Variants in ARHGAP24 observed in about 807,000 individuals in gnomAD.
The protein encoded by ARHGAP24 is Rho GTPase activating protein 24, also known as rho GTPase-activating protein 24.
ARHGAP24 carries 50 observed loss-of-function variants against 76.4 expected under a neutral mutation model. The ratio of observed to expected loss-of-function variants is 0.65; its 90% CI spans 0.52 to 0.83. ARHGAP24 has a LOEUF of 0.83. Among genes scored for constraint, ARHGAP24 ranks in the 40% least tolerant of loss-of-function variants. The pLI is 0.00. For synonymous variants in ARHGAP24, 345 were observed against 323.3 expected (o/e 1.07, Z -0.72); for missense variants, 930 against 914.2 (o/e 1.02, Z -0.22).
intron 1 of ARHGAP24, among the ~76,000 whole-genome samples, chr4:85,560,569 T>C (rs1726553627): frequency 6.6e-6 from 1 of 152,222 alleles, no homozygotes; most frequent in Non-Finnish European, 1.5e-5. Context: ...CAGGATTTTG[T>C]AGTGTTTCTT....
At chr4:85,859,243 A>ACACAC (rs60830018) in intron 3 of ARHGAP24, among the ~76,000 whole-genome samples, 25 of 150,980 alleles carry the variant, frequency 1.7e-4, no homozygotes, top group African/African-American at 6.1e-4. Context: ...ACACACACAC[A>ACACAC]AGATGTGCTT....
intron 3 of ARHGAP24, among the ~76,000 whole-genome samples, chr4:85,905,427 A>C (rs1432716972): frequency 6.6e-6 from 1 of 152,144 alleles, no homozygotes; most frequent in Non-Finnish European, 1.5e-5. Flanking sequence ...TAACTCTTAC[A>C]TACTATATGA....
At chr4:85,555,766 G>A (rs1034085026) in intron 1 of ARHGAP24, among the ~76,000 whole-genome samples, 22 of 152,202 alleles carry the variant, frequency 1.4e-4, no homozygotes, top group African/African-American at 5.3e-4. Context: ...GAAAATGGCA[G>A]AGCCACTCCC....
At chr4:85,514,898 A>G (rs917749376) in intron 1 of ARHGAP24, among the ~76,000 whole-genome samples, 3 of 151,378 alleles carry the variant, frequency 2.0e-5, no homozygotes, top group African/African-American at 7.3e-5. Context: ...TGAGACAAGG[A>G]TTAAAGTGAA....
chr4:85,900,455 C>T (rs1734430671), intron 3 of ARHGAP24, among the ~76,000 whole-genome samples: 1 of 145,300 alleles, frequency 6.9e-6, no homozygotes, highest in Non-Finnish European at 1.5e-5. Flanking sequence ...GAAGAGCATT[C>T]TTTTTTTTTT....
At chr4:85,801,616 CTG>C (rs1728580516) in intron 3 of ARHGAP24, among the ~76,000 whole-genome samples, 1 of 152,224 alleles carries the variant, frequency 6.6e-6, no homozygotes, top group South Asian at 2.1e-4. Context: ...ATTGCTGAGA[CTG>C]TTACATTTCT....
intron 2 of ARHGAP24, among the ~76,000 whole-genome samples, chr4:85,612,472 G>T (rs946386251): frequency 1.5e-5 from 2 of 134,986 alleles, no homozygotes; most frequent in African/African-American, 5.0e-5. Context: ...TATAGCAAAA[G>T]CATCCAAGTA....
At chr4:85,565,562 A>G (rs10015684) in intron 1 of ARHGAP24, among the ~76,000 whole-genome samples, 10,101 of 152,206 alleles carry the variant, frequency 0.066, 1,118 homozygotes, top group African/African-American at 0.23. Context: ...GATTGAAAGC[A>G]TGGAGATGTA....
chr4:85,906,145 T>C (rs942490540), intron 3 of ARHGAP24, among the ~76,000 whole-genome samples: 6 of 152,310 alleles, frequency 3.9e-5, no homozygotes, highest in African/African-American at 1.4e-4. Context: ...AGTGGAAACC[T>C]ATGATAAATA....
At chr4:85,819,771 T>G (rs1729388463) in intron 3 of ARHGAP24, among the ~76,000 whole-genome samples, 1 of 151,964 alleles carries the variant, frequency 6.6e-6, no homozygotes, top group Non-Finnish European at 1.5e-5. Flanking sequence ...ATACAAAAAA[T>G]TAGCTGGGCG....
chr4:85,543,155 A>G (rs1725776806), intron 1 of ARHGAP24, among the ~76,000 whole-genome samples: 1 of 152,218 alleles, frequency 6.6e-6, no homozygotes, highest in African/African-American at 2.4e-5. Flanking sequence ...GAAAATAATG[A>G]ACAATAAATT....
chr4:85,917,604 T>C (rs969512819), intron 3 of ARHGAP24, among the ~76,000 whole-genome samples: 2 of 152,214 alleles, frequency 1.3e-5, no homozygotes, highest in African/African-American at 4.8e-5. Context: ...TGATTGCCAT[T>C]CTAACTGGTG....
intron 3 of ARHGAP24, among the ~76,000 whole-genome samples, chr4:85,754,435 C>T (rs1726395446): frequency 6.6e-6 from 1 of 152,180 alleles, no homozygotes; most frequent in African/African-American, 2.4e-5. Flanking sequence ...CAATTAGTAA[C>T]TCCCATTGAC....
rs1282671858 is a variant in ARHGAP24, at chr4:86,002,617, T to TAAC, written c.*1896_*1898dup. 2 of 152,106 alleles carry TAAC rather than the reference T, an allele frequency of 1.3e-5. No individual in the cohort carries two copies. Among genetic ancestry groups the TAAC allele is most frequent in the Non-Finnish European group, 2.9e-5 (2 of 68,018 alleles). The allele number at this position is 152,106 out of a possible 1,614,324, so 9.4% of individuals were successfully genotyped here. Reference sequence around the variant, plus strand: ...CAGCTGTTACTGAACCTTCTATGCATAACTTTTTTTTTCCTCTGTGCAATT... The same window carrying TAAC: ...CAGCTGTTACTGAACCTTCTATGCATAACAACTTTTTTTTTCCTCTGTGCAATT... On this transcript the variant is annotated 3_prime_UTR_variant, in exon 10 of 10. Transcript: ENST00000395184.
At chr4:85,554,644 G>A (rs996605145) in intron 1 of ARHGAP24, among the ~76,000 whole-genome samples, 3 of 151,764 alleles carry the variant, frequency 2.0e-5, no homozygotes, top group African/African-American at 2.4e-5. Context: ...GATCAGTTTG[G>A]TTCTTTTTAT....
At chr4:85,898,093 G>A (rs71603475) in intron 3 of ARHGAP24, among the ~76,000 whole-genome samples, 1 of 149,490 alleles carries the variant, frequency 6.7e-6, no homozygotes, top group Non-Finnish European at 1.5e-5. Context: ...GTTTTTGTGG[G>A]GAGGGGAGAC....
At chr4:85,788,957 C>T (rs1239313368) in intron 3 of ARHGAP24, among the ~76,000 whole-genome samples, 1 of 152,134 alleles carries the variant, frequency 6.6e-6, no homozygotes, top group Non-Finnish European at 1.5e-5. Context: ...TTGTTCCTTT[C>T]TCCTGGGACA....
At chr4:85,763,607 T>C (rs779823825) in intron 3 of ARHGAP24, among the ~76,000 whole-genome samples, 16 of 152,226 alleles carry the variant, frequency 1.1e-4, no homozygotes, top group Non-Finnish European at 2.1e-4. Context: ...TACTTATTCA[T>C]TTATTTTTTG....
chr4:85,900,555 G>C (rs1468452806), intron 3 of ARHGAP24, among the ~76,000 whole-genome samples: 1 of 151,882 alleles, frequency 6.6e-6, no homozygotes, highest in African/African-American at 2.4e-5. Context: ...CTCCTGAGTA[G>C]CTGGGATTAC....
Sources: allele counts gnomAD v4.1 joint callset (sites outside exome capture counted in the v4.1 genomes callset), GRCh38; gene constraint gnomAD v4.1.1; transcripts MANE v1.5; gene names NCBI Gene and HGNC (gene_info 2026-07-23, HGNC 2026-07-21).